SPIDR: variants seen among roughly 807,000 people sequenced by gnomAD.
The protein encoded by SPIDR is DNA repair-scaffolding protein.
A neutral mutation model predicts 104.6 loss-of-function variants in SPIDR; 93 were observed. The observed-to-expected ratio is 0.89, with a 90% CI of 0.75 to 1.06. SPIDR has a LOEUF of 1.06. Among genes scored for constraint, SPIDR ranks in the 50% least tolerant of loss-of-function variants. SPIDR has a pLI of 0.00. For synonymous variants in SPIDR, 431 were observed against 416.9 expected, an observed-to-expected ratio of 1.03 and a Z score of -0.41; for missense variants, 1,154 against 1,111.2, an observed-to-expected ratio of 1.04 and a Z score of -0.55.
chr8:47,726,879 G>T (rs544488348), intron 16 of SPIDR, among the ~76,000 whole-genome samples: 1 of 152,258 alleles, frequency 6.6e-6, no homozygotes, highest in Admixed American at 6.5e-5. Flanking sequence ...ACCTAAATAT[G>T]CAATATGGGG....
chr8:47,343,547 G>A (rs149530265), intron 5 of SPIDR, among the ~76,000 whole-genome samples: 2,127 of 152,258 alleles, frequency 0.014, 29 homozygotes, highest in Non-Finnish European at 0.021. Flanking sequence ...TTTCTTGTGC[G>A]CCAGTCTCTC....
chr8:47,596,962 G>T (rs2061690552), intron 9 of SPIDR, among the ~76,000 whole-genome samples: 1 of 152,082 alleles, frequency 6.6e-6, no homozygotes, highest in Admixed American at 6.6e-5. Context: ...TGTCCCACTG[G>T]AATGTGTTGA....
chr8:47,360,756 A>G, intron 5 of SPIDR: 1 of 825,632 alleles, frequency 1.2e-6, no homozygotes, highest in African/African-American at 1.8e-5. Context: ...AAAACAAAAC[A>G]AAAAACAGAA....
intron 10 of SPIDR, among the ~76,000 whole-genome samples, chr8:47,662,119 G>A (rs960155097): frequency 7.9e-5 from 12 of 152,142 alleles, no homozygotes; most frequent in African/African-American, 2.7e-4. Flanking sequence ...GCTCTGTCCC[G>A]CATCCCTTAC....
At chr8:47,680,879 G>T (rs1357857540) in intron 11 of SPIDR, among the ~76,000 whole-genome samples, 1 of 152,222 alleles carries the variant, frequency 6.6e-6, no homozygotes, top group Admixed American at 6.5e-5. Flanking sequence ...AGGCCGAGAG[G>T]CAGATCACCT....
intron 7 of SPIDR, among the ~76,000 whole-genome samples, chr8:47,439,820 C>T (rs1554695075): frequency 6.6e-6 from 1 of 152,184 alleles, no homozygotes; most frequent in African/African-American, 2.4e-5. Flanking sequence ...AGCTCTAATA[C>T]CCAGCAGTCC....
intron 8 of SPIDR, among the ~76,000 whole-genome samples, chr8:47,441,558 T>C (rs1407158716): frequency 1.3e-5 from 2 of 152,146 alleles, no homozygotes; most frequent in Non-Finnish European, 2.9e-5. Flanking sequence ...TTGCAGTTAG[T>C]TCGTTCCCCA....
intron 14 of SPIDR, among the ~76,000 whole-genome samples, chr8:47,702,987 G>A (rs548819464): frequency 3.3e-5 from 5 of 152,338 alleles, no homozygotes; most frequent in East Asian, 1.9e-4. Flanking sequence ...AGTGCACCAC[G>A]AGTCGGGGGA....
At chr8:47,448,120 T>C (rs1554703298) in intron 8 of SPIDR, among the ~76,000 whole-genome samples, 1 of 152,226 alleles carries the variant, frequency 6.6e-6, no homozygotes, top group Admixed American at 6.5e-5. Flanking sequence ...TTTCTTTTTA[T>C]AGTTATATCA....
chr8:47,451,609 C>T (rs2071753271), intron 8 of SPIDR, among the ~76,000 whole-genome samples: 1 of 144,036 alleles, frequency 6.9e-6, no homozygotes, highest in South Asian at 2.2e-4. Context: ...CACACACACA[C>T]TAGAAAGATT....
intron 19 of SPIDR, among the ~76,000 whole-genome samples, chr8:47,731,640 T>C (rs1482821703): frequency 1.3e-5 from 2 of 152,210 alleles, no homozygotes; most frequent in Non-Finnish European, 2.9e-5. Context: ...AGGAGCATAA[T>C]GGGGAACAGC....
chr8:47,583,493 C>T (rs1043704339), intron 8 of SPIDR, among the ~76,000 whole-genome samples: 43 of 152,028 alleles, frequency 2.8e-4, no homozygotes, highest in Admixed American at 2.8e-3. Context: ...GCTATATCAA[C>T]GTGCTTTTTG....
rs186558858 is a variant in SPIDR, at chr8:47,718,738, C to T, written c.2341+5097C>T. 2.2e-4 allele frequency among the ~76,000 whole-genome samples: 33 copies of T among 152,152 alleles called. 1 individual carries two copies. The highest frequency in any genetic ancestry group is 3.4e-3 in the Middle Eastern group (1 of 294). The stretch of plus-strand genomic sequence containing the variant: ...ATAGAAATATTGAAGAATAGAAATA[C>T]GGTCTTGGCCAAGCAATGGCAGGAT... On this transcript the variant is annotated intron_variant, in intron 16 of 19. Transcript: ENST00000297423.
At chr8:47,515,496 C>G (rs540210451) in intron 8 of SPIDR, among the ~76,000 whole-genome samples, 4 of 152,306 alleles carry the variant, frequency 2.6e-5, no homozygotes, top group African/African-American at 9.6e-5. Context: ...TAATTAAGGC[C>G]TGCCACTGTC....
chr8:47,523,761 G>T (rs1489589374), intron 8 of SPIDR, among the ~76,000 whole-genome samples: 7 of 152,188 alleles, frequency 4.6e-5, no homozygotes, highest in East Asian at 3.8e-4. Flanking sequence ...TGATCAGGCC[G>T]CAGCCTTCTC....
intron 10 of SPIDR, among the ~76,000 whole-genome samples, chr8:47,609,776 T>C (rs1489176036): frequency 6.6e-6 from 1 of 152,222 alleles, no homozygotes; most frequent in Non-Finnish European, 1.5e-5. Context: ...ATTTGACCCA[T>C]GTTATCATTT....
At chr8:47,368,469 A>G (rs1430205643) in intron 5 of SPIDR, among the ~76,000 whole-genome samples, 1 of 150,198 alleles carries the variant, frequency 6.7e-6, no homozygotes, top group African/African-American at 2.4e-5. Flanking sequence ...CAGTAATTAG[A>G]ATTAAAAAGC....
chr8:47,267,258 A>C (rs2034285006), intron 1 of SPIDR, among the ~76,000 whole-genome samples: 1 of 152,056 alleles, frequency 6.6e-6, no homozygotes, highest in Non-Finnish European at 1.5e-5. Context: ...GGCTGGGCTC[A>C]AGAGATCCTC....
At chr8:47,263,931 AG>A (rs2033235978) in intron 1 of SPIDR, among the ~76,000 whole-genome samples, 1 of 152,246 alleles carries the variant, frequency 6.6e-6, no homozygotes, top group South Asian at 2.1e-4. Context: ...ATTTAAGATT[AG>A]GGACTATTTC....
Sources: gnomAD v4.1 joint callset for allele counts (sites outside exome capture counted in the v4.1 genomes callset) on GRCh38, gnomAD v4.1.1 for gene constraint, MANE v1.5 for transcripts, NCBI Gene and HGNC (gene_info 2026-07-23, HGNC 2026-07-21) for gene names.